Variants in RSL24D1 observed in about 807,000 individuals in gnomAD.
RSL24D1 encodes probable ribosome biogenesis protein RLP24.
A neutral mutation model predicts 26.2 loss-of-function variants in RSL24D1; 6 were observed. The observed-to-expected ratio is 0.23, with a 90% CI of 0.13 to 0.45. The LOEUF (loss-of-function observed/expected upper bound fraction) is 0.45. Among genes scored for constraint, RSL24D1 ranks in the 20% least tolerant of loss-of-function variants. RSL24D1 has a pLI of 0.99. For synonymous variants in RSL24D1, 61 were observed against 59.1 expected (o/e 1.03, Z -0.15); for missense variants, 176 against 202.6 (o/e 0.87, Z 0.80).
chr15:55,196,840 G>C lies in RSL24D1; in HGVS notation c.51C>G (p.His17Gln), dbSNP rs762878339. 6.2e-7 allele frequency: 1 copy of C among 1,614,182 alleles called. No individual in the cohort carries two copies. Among genetic ancestry groups the C allele is most frequent in the Admixed American group, 1.7e-5 (1 of 60,022 alleles). The change falls in exon 1 of 6, where the codon CAC becomes CAG. Residue 17 changes from histidine (H) to glutamine (Q), a missense_variant. His to Gln is a conservative substitution (Grantham distance 24). Coordinates refer to ENST00000260443, the MANE Select transcript of RSL24D1 (RefSeq NM_016304.3). ...AATCGTTGCGGACGAACATCATGCC[G>C]TGTCCAGGATAGATGGGCCCCGAAC... ...YFCSGPIYPG[H>Q]GMMFVRNDCK...
chr15:55,185,410 C>G lies in RSL24D1; in HGVS notation c.284G>C (p.Arg95Thr). The change falls in exon 4 of 6, where the codon AGA (arginine) becomes ACA (threonine). Residue 95 changes from arginine (R) to threonine (T), a missense_variant. By Grantham distance (71) the Arg-to-Thr change is moderately conservative (BLOSUM62 -1). This residue lies in a region of RSL24D1 where 89 missense variants were observed against 135.1 expected (regional missense o/e 0.66). Transcript: ENST00000260443. ...GCGCTTCTGTTTGATTTCTTCAACTCTCTTCATCGCATCAACTACAAAAAA... is the reference window on the plus strand; with the variant it reads ...GCGCTTCTGTTTGATTTCTTCAACTGTCTTCATCGCATCAACTACAAAAAA... The part of the protein sequence containing the change: ...LWNKTIDAMK[R>T]VEEIKQKRQA... 5 of 1,608,000 alleles carry G rather than the reference C, an allele frequency of 3.1e-6. No homozygotes were observed. The highest frequency in any genetic ancestry group is 4.2e-6 in the Non-Finnish European group (5 of 1,177,892).
intron 1 of RSL24D1, 148 bp from the exon 2 acceptor site, chr15:55,192,981 T>A: frequency 1.8e-6 from 1 of 566,368 alleles, no homozygotes; most frequent in Admixed American, 3.3e-5. Context: ...TGGAAACAAC[T>A]ATTTTTTGAC....
intron 5 of RSL24D1, among the ~76,000 whole-genome samples, chr15:55,182,754 A>G (rs1422408520): frequency 6.6e-6 from 1 of 152,196 alleles, no homozygotes; most frequent in African/African-American, 2.4e-5. Context: ...ATCTACACAA[A>G]TGTACTCAAT....
In RSL24D1 at chr15:55,182,206, T is replaced by C; in HGVS notation, c.438A>G (p.Glu146=). 1 of 1,604,812 alleles carries C rather than the reference T, an allele frequency of 6.2e-7. No homozygotes were observed. The highest frequency in any genetic ancestry group is 8.5e-7 in the Non-Finnish European group (1 of 1,172,040). Residue 146 remains glutamate, a synonymous_variant, in exon 6 of 6, where the codon GAA becomes GAG. Coordinates refer to ENST00000260443, the MANE Select transcript of RSL24D1 (RefSeq NM_016304.3). ...APLAGKGKQL[E]EKMVQQLQED... The stretch of plus-strand genomic sequence containing the variant: ...CTTGTAACTGCTGTACCATTTTCTC[T>C]TCCAACTGTTTCCCTTTGCCTTTAA...
In RSL24D1 at chr15:55,183,329, C is replaced by T. The variant is rs150727724; in HGVS notation, c.404G>A (p.Arg135Gln). 29 of 1,611,320 alleles carry T rather than the reference C, an allele frequency of 1.8e-5. No individual in the cohort carries two copies. In the African/African-American group the frequency reaches 3.3e-4, roughly 19 times the overall value. The change falls in exon 5 of 6, where the codon CGA (arginine) becomes CAA (glutamine). Residue 135 changes from arginine (R) to glutamine (Q), a missense_variant. Transcript: ENST00000260443. Reference sequence around the variant, plus strand: ...GTAGTACTCACCTGCAAGAGGGGCTCGGATAAGATGGATGTTTTGCTTGAC... The same window carrying T: ...GTAGTACTCACCTGCAAGAGGGGCTTGGATAAGATGGATGTTTTGCTTGAC... ...KEVKQNIHLI[R>Q]APLAGKGKQL... is the part of the protein sequence containing the mutation.
chr15:55,185,812 A>G (rs1328129891), intron 3 of RSL24D1, among the ~76,000 whole-genome samples: 1 of 152,162 alleles, frequency 6.6e-6, no homozygotes, highest in Non-Finnish European at 1.5e-5. Context: ...ATGAACACTT[A>G]AAAGTGCCTG....
At chr15:55,182,266 T>C in intron 5 of RSL24D1, 41 bp from the exon 6 acceptor site, 1 of 1,262,218 alleles carries the variant, frequency 7.9e-7, no homozygotes, top group South Asian at 1.2e-5. Context: ...CTTAATTAAA[T>C]GTGACCTTAC....
chr15:55,193,730 C>CAGT (rs150939581), intron 1 of RSL24D1, among the ~76,000 whole-genome samples: 52 of 152,262 alleles, frequency 3.4e-4, no homozygotes, highest in Non-Finnish European at 6.6e-4. Flanking sequence ...TCACTACATA[C>CAGT]AGTAGGACAG....
At chr15:55,195,181 A>C (rs898418901) in intron 1 of RSL24D1, 1 of 152,154 alleles carries the variant, frequency 6.6e-6, no homozygotes, top group Non-Finnish European at 1.5e-5. Context: ...AAAGGTGAAA[A>C]GATTCAGACG....
At chr15:55,193,017 C>G (rs1894316028) in intron 1 of RSL24D1, among the ~76,000 whole-genome samples, 184 bp from the exon 2 acceptor site, 1 of 152,112 alleles carries the variant, frequency 6.6e-6, no homozygotes. Context: ...CAACCAAAGG[C>G]TAAGGGCCCT....
intron 1 of RSL24D1, chr15:55,196,525 C>CA: frequency 1.7e-6 from 1 of 582,548 alleles, no homozygotes. Context: ...CCCTCACAGA[C>CA]ATCCAAGATT....
In RSL24D1 at chr15:55,196,852, G is replaced by C; in HGVS notation, c.39C>G (p.Ile13Met). ...IEKCYFCSGP[I>M]YPGHGMMFVR... ...CGAACATCATGCCGTGTCCAGGATAGATGGGCCCCGAACAGAAATAACACT... is the reference window on the plus strand; with the variant it reads ...CGAACATCATGCCGTGTCCAGGATACATGGGCCCCGAACAGAAATAACACT... The change falls in exon 1 of 6, where the codon ATC (isoleucine) becomes ATG (methionine). Residue 13 changes from isoleucine (I) to methionine (M), a missense_variant. Physicochemically the swap from Ile to Met is conservative, Grantham distance 10. Around this residue, in one of 3 missense-constraint regions of RSL24D1, gnomAD observed 44 missense variants for 28.8 expected, o/e 1.53. Coordinates refer to ENST00000260443, the MANE Select transcript of RSL24D1 (RefSeq NM_016304.3). 1.7e-5 allele frequency: 27 copies of C among 1,614,198 alleles called. No individual in the cohort carries two copies. Among genetic ancestry groups the C allele is most frequent in the South Asian group, 3.3e-5 (3 of 91,090 alleles).
Position 55,181,384 on chromosome 15 carries a change from A to C in RSL24D1, c.*768T>G, listed in dbSNP as rs1894164363. On this transcript the variant is annotated 3_prime_UTR_variant, in exon 6 of 6. Transcript: ENST00000260443. The stretch of plus-strand genomic sequence containing the variant: ...GTTGTACCCATAAATTCTACTTTCC[A>C]AAAACAGGAGCTTTTTAAAAGAAAA... The C allele has an allele frequency of 6.6e-6, 1 of 152,636 alleles. No individual in the cohort carries two copies. The highest frequency in any genetic ancestry group is 2.1e-4 in the South Asian group (1 of 4,830). 9.5% of individuals were successfully genotyped at this position (152,636 alleles called of 1,614,324 possible).
chr15:55,193,869 A>G (rs1217128488), intron 1 of RSL24D1, among the ~76,000 whole-genome samples: 2 of 152,206 alleles, frequency 1.3e-5, no homozygotes, highest in African/African-American at 2.4e-5. Context: ...ACTAGAAAAT[A>G]TAAGAACTAC....
At chr15:55,191,796 T>C (rs2140596223) in intron 2 of RSL24D1, among the ~76,000 whole-genome samples, 1 of 152,356 alleles carries the variant, frequency 6.6e-6, no homozygotes, top group East Asian at 1.9e-4. Context: ...CTTTTATATA[T>C]ACACAGCTTT....
chr15:55,184,296 T>A (rs925939291), intron 4 of RSL24D1, among the ~76,000 whole-genome samples: 1 of 152,212 alleles, frequency 6.6e-6, no homozygotes, highest in Non-Finnish European at 1.5e-5. Context: ...ACAGTCTGCC[T>A]GAAGGAACTC....
intron 1 of RSL24D1, chr15:55,196,458 C>G (rs1398894242): frequency 1.9e-6 from 1 of 521,442 alleles, no homozygotes; most frequent in Non-Finnish European, 3.7e-6. Flanking sequence ...AGGGTATACA[C>G]TCAACAAAGT....
intron 3 of RSL24D1, among the ~76,000 whole-genome samples, chr15:55,189,466 T>A (rs1894268522): frequency 6.6e-6 from 1 of 152,200 alleles, no homozygotes; most frequent in Non-Finnish European, 1.5e-5. Context: ...TAGGGCTAAG[T>A]ACAGAAAAGG....
intron 3 of RSL24D1, among the ~76,000 whole-genome samples, chr15:55,186,141 C>T (rs1360024928): frequency 1.3e-5 from 2 of 152,066 alleles, no homozygotes; most frequent in Non-Finnish European, 2.9e-5. Context: ...ACTAGTGAAA[C>T]ATTTTATCCT....
Sources: allele counts gnomAD v4.1 joint callset (sites outside exome capture counted in the v4.1 genomes callset), GRCh38; gene constraint gnomAD v4.1.1; regional missense constraint gnomAD v4.1.1; transcripts MANE v1.5; gene names NCBI Gene and HGNC (gene_info 2026-07-23, HGNC 2026-07-21).